TBX1: variants seen among roughly 807,000 people sequenced by gnomAD.
The protein encoded by TBX1 is T-box transcription factor TBX1.
In TBX1, 16 loss-of-function variants were observed where a neutral mutation model predicts 40.8. The observed-to-expected ratio is 0.39, with a 90% CI of 0.27 to 0.60. The LOEUF is 0.60. TBX1 is among the 20% of genes least tolerant of loss of function. The pLI is 0.51. For missense variants in TBX1, 755 were observed against 728.5 expected (o/e 1.04, Z -0.42); for synonymous variants, 403 against 336.8 (o/e 1.20, Z -2.15).
intron 8 of TBX1, among the ~76,000 whole-genome samples, chr22:19,774,078 T>A (rs1245833657): frequency 6.6e-6 from 1 of 152,202 alleles, no homozygotes; most frequent in African/African-American, 2.4e-5. Context: ...ATGATGATTT[T>A]AAAAAACAAA....
intron 8 of TBX1, among the ~76,000 whole-genome samples, chr22:19,775,315 G>C (rs912365401): frequency 6.7e-6 from 1 of 150,342 alleles, no homozygotes; most frequent in Admixed American, 6.6e-5. Flanking sequence ...GGCTGGTCTC[G>C]AACTCCTGAC....
At chr22:19,780,047 A>G (rs796254395), downstream of TBX1, among the ~76,000 whole-genome samples, 24 of 152,340 alleles carry the variant, frequency 1.6e-4, no homozygotes, top group African/African-American at 5.1e-4. Flanking sequence ...AATGAGAACT[A>G]TGTCAGGTGA....
intron 8 of TBX1, among the ~76,000 whole-genome samples, chr22:19,777,099 T>C (rs1256841227): frequency 1.3e-5 from 2 of 152,172 alleles, no homozygotes; most frequent in African/African-American, 2.4e-5. Flanking sequence ...TTAGGGTACA[T>C]GTGCACAACA....
chr22:19,775,538 C>T (rs1005033036), intron 8 of TBX1, among the ~76,000 whole-genome samples: 1 of 152,194 alleles, frequency 6.6e-6, no homozygotes, highest in African/African-American at 2.4e-5. Context: ...AGCAGTCTTG[C>T]CCCCTGGGGT....
downstream of TBX1, among the ~76,000 whole-genome samples, chr22:19,769,187 C>T (rs1936947143): frequency 6.6e-6 from 1 of 152,130 alleles, no homozygotes; most frequent in African/African-American, 2.4e-5. Context: ...TCTCGAACTC[C>T]TGACCTCAGG....
Position 19,766,654 on chromosome 22 carries a change from C to G in TBX1, c.1302C>G (p.His434Gln). 1 of 1,554,982 alleles carries G rather than the reference C, an allele frequency of 6.4e-7. No individual in the cohort carries two copies. Among genetic ancestry groups the G allele is most frequent in the Non-Finnish European group, 8.6e-7 (1 of 1,158,832 alleles). The change falls in exon 7 of 7, where the codon CAC becomes CAG. Residue 434 changes from histidine to glutamine, a missense_variant. By Grantham distance (24) the His-to-Gln change is conservative. Transcript: ENST00000649276. ...AATATCCGGCCGCCGCCTACGACCA[C>G]TATCTCGGGGCCAAGAGCCGGCCGG... ...PYKYPAAAYDHYLGAKSRPAP... is the reference protein window; with the variant it reads ...PYKYPAAAYDQYLGAKSRPAP...
At chr22:19,768,318 C>T (rs982349005), downstream of TBX1, among the ~76,000 whole-genome samples, 2 of 152,232 alleles carry the variant, frequency 1.3e-5, no homozygotes, top group African/African-American at 2.4e-5. Context: ...TCCAGATGTC[C>T]ACCCTCGCGG....
downstream of TBX1, among the ~76,000 whole-genome samples, chr22:19,771,371 C>A (rs2145845036): frequency 6.6e-6 from 1 of 152,352 alleles, no homozygotes; most frequent in Non-Finnish European, 1.5e-5. Flanking sequence ...TACTTCAAAC[C>A]AGATGGGCTC....
At chr22:19,758,585 C>T (rs906501631), upstream of TBX1, among the ~76,000 whole-genome samples, 1 of 152,118 alleles carries the variant, frequency 6.6e-6, no homozygotes, top group African/African-American at 2.4e-5. Context: ...TGCTGGGTGC[C>T]GGGGGGCAGC....
At chr22:19,771,288 C>T (rs1014388987), downstream of TBX1, among the ~76,000 whole-genome samples, 1 of 152,200 alleles carries the variant, frequency 6.6e-6, no homozygotes, top group African/African-American at 2.4e-5. Flanking sequence ...CTTGGTGCTA[C>T]CTCACACATT....
At chr22:19,759,518 C>T (rs920405026), upstream of TBX1, 2 of 1,532,950 alleles carry the variant, frequency 1.3e-6, no homozygotes, top group Non-Finnish European at 1.7e-6. Flanking sequence ...CCCGCTGTCT[C>T]CCCGAGCCAG....
downstream of TBX1, among the ~76,000 whole-genome samples, chr22:19,771,441 G>T (rs1936988646): frequency 6.6e-6 from 1 of 152,324 alleles, no homozygotes; most frequent in South Asian, 2.1e-4. Flanking sequence ...TCTGTGTGTG[G>T]GAAACAGCAG....
At chr22:19,766,363 CG>C in intron 6 of TBX1, 25 bp from the exon 7 acceptor site, 1 of 1,261,338 alleles carries the variant, frequency 7.9e-7, no homozygotes. Flanking sequence ...CGGCCGGCCG[CG>C]CTCACTCCTC....
downstream of TBX1, among the ~76,000 whole-genome samples, chr22:19,767,702 C>T (rs1265437910): frequency 6.6e-6 from 1 of 152,242 alleles, no homozygotes; most frequent in Non-Finnish European, 1.5e-5. Context: ...CTTGGGCCTG[C>T]GCCCTGGCCT....
In TBX1 at chr22:19,763,667, C is replaced by T. The variant is rs369685595; in HGVS notation, c.539+325C>T. On this transcript the variant is annotated intron_variant, in intron 2 of 6. Transcript: ENST00000649276. Reference sequence around the variant, plus strand: ...CCCTCTCCCAGGAGGCCGGCCTGAGCGCCTAGTCCCCTTCCCCCATCCCCA... The same window carrying T: ...CCCTCTCCCAGGAGGCCGGCCTGAGTGCCTAGTCCCCTTCCCCCATCCCCA... 15 of 439,306 alleles carry T rather than the reference C, an allele frequency of 3.4e-5. No individual in the cohort carries two copies. The East Asian group carries it at 4.5e-4, about 13-fold the overall frequency. The allele number at this position is 439,306 out of a possible 1,614,324, so 27.2% of individuals were successfully genotyped here.
chr22:19,770,355 G>C (rs1936968503), downstream of TBX1, among the ~76,000 whole-genome samples: 1 of 152,200 alleles, frequency 6.6e-6, no homozygotes, highest in African/African-American at 2.4e-5. Flanking sequence ...CAGGGCCTGG[G>C]GGTGCAGCTG....
intron 8 of TBX1, among the ~76,000 whole-genome samples, chr22:19,773,776 CAG>C (rs1446452810): frequency 6.6e-6 from 1 of 152,224 alleles, no homozygotes; most frequent in Non-Finnish European, 1.5e-5. Flanking sequence ...GGAGTGGTCT[CAG>C]GGTGGGCCAG....
At chr22:19,779,795 C>G (rs1937120786), downstream of TBX1, among the ~76,000 whole-genome samples, 1 of 152,220 alleles carries the variant, frequency 6.6e-6, no homozygotes, top group Non-Finnish European at 1.5e-5. Flanking sequence ...TTTTCTCTAT[C>G]GCGTTCTTAT....
At chr22:19,777,720 T>C (rs1195737354) in intron 8 of TBX1, among the ~76,000 whole-genome samples, 1 of 151,914 alleles carries the variant, frequency 6.6e-6, no homozygotes, top group Non-Finnish European at 1.5e-5. Flanking sequence ...TGGGTTTCAG[T>C]GTGCTGGGCA....
Sources: allele counts gnomAD v4.1 joint callset (sites outside exome capture counted in the v4.1 genomes callset), GRCh38; gene constraint gnomAD v4.1.1; transcripts MANE v1.5; gene names NCBI Gene and HGNC (gene_info 2026-07-23, HGNC 2026-07-21).